GALNT17: variants seen among roughly 807,000 people sequenced by gnomAD.
GALNT17 encodes the protein polypeptide N-acetylgalactosaminyltransferase 17, also known as UDP-GalNAc:polypeptide N-acetylgalactosaminyltransferase-like 3.
In GALNT17, 29 loss-of-function variants were observed where a neutral mutation model predicts 63.7. The observed-to-expected ratio is 0.46, with a 90% confidence interval of 0.34 to 0.62. GALNT17 has a LOEUF of 0.62. GALNT17 is among the 20% of genes least tolerant of loss of function. GALNT17 has a pLI of 0.01. For missense variants in GALNT17, 603 were observed against 799.6 expected (o/e 0.75, Z 2.97); for synonymous variants, 305 against 318.3 (o/e 0.96, Z 0.45).
At chr7:71,256,052 T>C (rs1583803683) in intron 1 of GALNT17, among the ~76,000 whole-genome samples, 1 of 152,220 alleles carries the variant, frequency 6.6e-6, no homozygotes, top group African/African-American at 2.4e-5. Context: ...GCCTGCTACC[T>C]GGAGGCTTCA....
intron 2 of GALNT17, among the ~76,000 whole-genome samples, chr7:71,377,114 A>AAAAAAAAAAAAAAAAAAAT: frequency 1.7e-5 from 1 of 57,486 alleles, no homozygotes; most frequent in Non-Finnish European, 3.0e-5. Flanking sequence ...AAATAAAAAA[A>AAAAAAAAAAAAAAAAAAAT]ATATATATAT....
At chr7:71,592,750 A>G (rs1416164029) in intron 6 of GALNT17, among the ~76,000 whole-genome samples, 2 of 152,080 alleles carry the variant, frequency 1.3e-5, no homozygotes, top group Non-Finnish European at 2.9e-5. Flanking sequence ...CTGATTGGAA[A>G]CATTTGTCCT....
intron 9 of GALNT17, among the ~76,000 whole-genome samples, chr7:71,678,956 CAAAA>C (rs35898355): frequency 8.8e-6 from 1 of 114,086 alleles, no homozygotes; most frequent in Non-Finnish European, 1.7e-5. Context: ...GACTCCATCT[CAAAA>C]AAAAAAAAAA....
chr7:71,708,523 G>A (rs1791750228), intron 9 of GALNT17, among the ~76,000 whole-genome samples: 2 of 152,294 alleles, frequency 1.3e-5, no homozygotes, highest in South Asian at 4.2e-4. Flanking sequence ...TGGGGACAGA[G>A]CCAAACCATA....
At chr7:71,264,393 G>A (rs1432440009) in intron 1 of GALNT17, among the ~76,000 whole-genome samples, 2 of 152,082 alleles carry the variant, frequency 1.3e-5, no homozygotes, top group East Asian at 3.9e-4. Flanking sequence ...GTACCTGAGG[G>A]GGTGAAGACA....
intron 6 of GALNT17, among the ~76,000 whole-genome samples, chr7:71,572,526 A>AAAAT (rs1008758990): frequency 2.0e-5 from 3 of 150,238 alleles, no homozygotes; most frequent in African/African-American, 7.3e-5. Context: ...AAAAAAAAAA[A>AAAAT]AAAACTACAT....
chr7:71,680,854 T>TTTTC (rs1791250133), intron 9 of GALNT17, among the ~76,000 whole-genome samples: 2 of 148,858 alleles, frequency 1.3e-5, no homozygotes, highest in Middle Eastern at 3.4e-3. Flanking sequence ...TCCTTTCCTT[T>TTTTC]TTTCTTTCCT....
At chr7:71,172,474 A>G (rs866914038) in intron 1 of GALNT17, among the ~76,000 whole-genome samples, 1 of 151,892 alleles carries the variant, frequency 6.6e-6, no homozygotes, top group South Asian at 2.1e-4. Context: ...AAAGAAAAAA[A>G]AAAAAGAACT....
chr7:71,685,914 GTT>G (rs5884855), intron 9 of GALNT17, among the ~76,000 whole-genome samples: 64,583 of 118,686 alleles, frequency 0.54, 19,250 homozygotes, highest in East Asian at 0.79. Context: ...AGGTTCTTGG[GTT>G]TTTTTTTTTT....
intron 5 of GALNT17, among the ~76,000 whole-genome samples, chr7:71,541,684 C>T (rs6460666): frequency 0.72 from 108,875 of 152,110 alleles, 39,296 homozygotes; most frequent in Non-Finnish European, 0.75. Flanking sequence ...CTGTGTCATG[C>T]CACTAAGCCA....
At chr7:71,259,985 A>G (rs1362114411) in intron 1 of GALNT17, among the ~76,000 whole-genome samples, 1 of 152,126 alleles carries the variant, frequency 6.6e-6, no homozygotes, top group East Asian at 1.9e-4. Context: ...GGGAGCAGAG[A>G]GGATGACAAG....
At chr7:71,598,212 G>T (rs1349568711) in intron 6 of GALNT17, among the ~76,000 whole-genome samples, 4 of 152,172 alleles carry the variant, frequency 2.6e-5, no homozygotes, top group Admixed American at 6.5e-5. Context: ...AAAGTTCTGG[G>T]ATTACAGGCA....
intron 5 of GALNT17, among the ~76,000 whole-genome samples, chr7:71,488,889 C>CTTTTTTTT (rs369124996): frequency 1.5e-4 from 8 of 54,738 alleles, no homozygotes; most frequent in Admixed American, 3.5e-4. Context: ...GCCAGGTTTC[C>CTTTTTTTT]TTTTTTTTTT....
intron 6 of GALNT17, among the ~76,000 whole-genome samples, chr7:71,635,912 G>C (rs1288010849): frequency 6.6e-6 from 1 of 152,194 alleles, no homozygotes; most frequent in Non-Finnish European, 1.5e-5. Context: ...GTTTTGGTGT[G>C]TTTTGGCCAG....
intron 1 of GALNT17, among the ~76,000 whole-genome samples, chr7:71,197,594 C>A (rs1271882477): frequency 3.9e-5 from 6 of 152,000 alleles, no homozygotes; most frequent in African/African-American, 1.5e-4. Context: ...CCTCCACTCC[C>A]CCACTCCCCT....
intron 3 of GALNT17, among the ~76,000 whole-genome samples, chr7:71,412,269 C>A (rs1793442932): frequency 1.3e-5 from 2 of 152,144 alleles, no homozygotes; most frequent in South Asian, 4.1e-4. Context: ...TGCTCACTAG[C>A]CCTCCTTCCT....
In GALNT17 at chr7:71,665,466, T is replaced by C. The variant is rs778345649; in HGVS notation, c.1136T>C (p.Ile379Thr). The C allele has an allele frequency of 1.7e-5, 27 of 1,613,334 alleles. No individual in the cohort carries two copies. In the Middle Eastern group the frequency reaches 5.4e-4, roughly 32 times the overall value. ...EVLPCSRVAH[I>T]ERKKKPYNSN... is the part of the protein sequence containing the mutation. Reference sequence around the variant, plus strand: ...CTTCCTTGCTCACGGGTGGCCCACATTGAGCGGAAGAAGAAGCCATATAAT... The same window carrying C: ...CTTCCTTGCTCACGGGTGGCCCACACTGAGCGGAAGAAGAAGCCATATAAT... The change falls in exon 7 of 11, where the codon ATT becomes ACT. Residue 379 changes from isoleucine to threonine, a missense_variant. Ile to Thr is a moderately conservative substitution (Grantham distance 89). Around this residue, in one of 3 missense-constraint regions of GALNT17, gnomAD observed 336 missense variants for 507.8 expected, o/e 0.66. Transcript: ENST00000333538.
At chr7:71,460,230 TAACAC>T (rs772555107) in intron 5 of GALNT17, among the ~76,000 whole-genome samples, 3 of 152,162 alleles carry the variant, frequency 2.0e-5, no homozygotes, top group Non-Finnish European at 4.4e-5. Context: ...AGGCCAAACT[TAACAC>T]AACAATATGT....
intron 6 of GALNT17, among the ~76,000 whole-genome samples, chr7:71,576,564 TGTTTTG>T (rs1325334035): frequency 2.0e-5 from 3 of 151,574 alleles, no homozygotes; most frequent in African/African-American, 7.3e-5. Context: ...TGTGTGTGTG[TGTTTTG>T]TTTGTTTGTT....
Sources: allele counts gnomAD v4.1 joint callset (sites outside exome capture counted in the v4.1 genomes callset), GRCh38; gene constraint gnomAD v4.1.1; regional missense constraint gnomAD v4.1.1; transcripts MANE v1.5; gene names NCBI Gene and HGNC (gene_info 2026-07-23, HGNC 2026-07-21).